Variants in RMDN2 observed in about 807,000 individuals in gnomAD.
RMDN2 encodes regulator of microtubule dynamics 2, also known as regulator of microtubule dynamics protein 2.
A neutral mutation model predicts 52.8 loss-of-function variants in RMDN2; 61 were observed. The observed-to-expected ratio is 1.16, with a 90% CI of 0.94 to 1.43. The LOEUF is 1.43. Ranked by LOEUF, RMDN2 falls within the 40% of genes most tolerant of loss-of-function variation. The pLI, the probability that RMDN2 is intolerant of heterozygous loss-of-function variation, is 0.00. For missense variants in RMDN2, 592 were observed against 475.3 expected, an observed-to-expected ratio of 1.25 and a Z score of -2.28; for synonymous variants, 180 against 153.1, an observed-to-expected ratio of 1.18 and a Z score of -1.30.
At chr2:37,970,934 T>C (rs562528721) in intron 2 of RMDN2, among the ~76,000 whole-genome samples, 1 of 152,012 alleles carries the variant, frequency 6.6e-6, no homozygotes, top group East Asian at 2.0e-4. Context: ...TTAAGAGTTT[T>C]ATATATATTT....
At chr2:37,965,902 T>G (rs1329996686) in intron 2 of RMDN2, among the ~76,000 whole-genome samples, 1 of 152,198 alleles carries the variant, frequency 6.6e-6, no homozygotes, top group African/African-American at 2.4e-5. Flanking sequence ...GGTAACAGGT[T>G]TCTCTTTTCT....
chr2:38,003,430 G>A (rs1222840908), intron 8 of RMDN2, among the ~76,000 whole-genome samples: 9 of 152,160 alleles, frequency 5.9e-5, no homozygotes, highest in African/African-American at 2.2e-4. Flanking sequence ...GCAGGTACCT[G>A]TAATCCCAGC....
At chr2:37,988,106 G>A (rs573930522) in intron 5 of RMDN2, among the ~76,000 whole-genome samples, 1 of 152,288 alleles carries the variant, frequency 6.6e-6, no homozygotes, top group African/African-American at 2.4e-5. Context: ...GCTAGGATAG[G>A]AGATATATGG....
At chr2:37,991,901 T>C (rs572209680) in intron 7 of RMDN2, among the ~76,000 whole-genome samples, 6 of 152,316 alleles carry the variant, frequency 3.9e-5, no homozygotes, top group Admixed American at 2.6e-4. Context: ...AATTACAGAA[T>C]GTGAAAATGT....
At chr2:37,996,901 C>A (rs924709222) in intron 7 of RMDN2, among the ~76,000 whole-genome samples, 13 of 152,146 alleles carry the variant, frequency 8.5e-5, no homozygotes, top group Non-Finnish European at 1.9e-4. Context: ...CCATTCCCTG[C>A]TCCTTCTGGC....
At chr2:38,042,358 C>A (rs1243989182) in intron 10 of RMDN2, among the ~76,000 whole-genome samples, 1 of 151,038 alleles carries the variant, frequency 6.6e-6, no homozygotes, top group Non-Finnish European at 1.5e-5. Flanking sequence ...TGAACCTGGC[C>A]AGAGATTTAT....
downstream of RMDN2, chr2:38,017,863 A>G (rs1173504586): frequency 1.6e-5 from 3 of 192,838 alleles, no homozygotes; most frequent in African/African-American, 7.2e-5. Flanking sequence ...AAAGGAAGGT[A>G]AGGGTGGGGC....
At chr2:38,015,609 T>C (rs1402767472) in intron 10 of RMDN2, among the ~76,000 whole-genome samples, 3 of 150,192 alleles carry the variant, frequency 2.0e-5, no homozygotes, top group Admixed American at 2.0e-4. Context: ...CCTTTAAGGA[T>C]AATGCTTTGG....
intron 8 of RMDN2, chr2:37,997,725 G>C: frequency 2.0e-6 from 1 of 492,636 alleles, no homozygotes. Flanking sequence ...CTAGGTTCTA[G>C]GAATTACAAA....
chr2:38,012,448 C>A (rs1414387265), intron 10 of RMDN2, among the ~76,000 whole-genome samples: 1 of 152,062 alleles, frequency 6.6e-6, no homozygotes, highest in African/African-American at 2.4e-5. Flanking sequence ...TAGAAAGAAC[C>A]AAGGCATTAA....
intron 2 of RMDN2, among the ~76,000 whole-genome samples, chr2:37,958,690 G>A (rs942299822): frequency 1.3e-5 from 2 of 150,930 alleles, no homozygotes; most frequent in East Asian, 1.9e-4. Context: ...TGGGAGTGGT[G>A]AGAGAGGGCA....
chr2:38,059,932 C>G (rs1008427329), intron 10 of RMDN2, among the ~76,000 whole-genome samples: 1 of 152,022 alleles, frequency 6.6e-6, no homozygotes, highest in Non-Finnish European at 1.5e-5. Context: ...GAGTCTCGCT[C>G]TGTCACCCAG....
At chr2:38,012,598 C>T in intron 10 of RMDN2, 1 of 468,284 alleles carries the variant, frequency 2.1e-6, no homozygotes, top group South Asian at 1.6e-5. Flanking sequence ...CATTTTTTTC[C>T]TCAGTGATGT....
chr2:37,999,700 C>T (rs976051220), intron 8 of RMDN2, among the ~76,000 whole-genome samples: 6 of 152,084 alleles, frequency 3.9e-5, no homozygotes, highest in Non-Finnish European at 8.8e-5. Context: ...GAGTCTGCAA[C>T]CCCCGGGTCC....
chr2:38,055,286 C>A (rs1343992081), intron 10 of RMDN2, among the ~76,000 whole-genome samples: 1 of 151,878 alleles, frequency 6.6e-6, no homozygotes, highest in Non-Finnish European at 1.5e-5. Context: ...CCTGTGCAAC[C>A]CACCCCAGGA....
chr2:37,952,287 T>C, intron 2 of RMDN2: 1 of 1,251,158 alleles, frequency 8.0e-7, no homozygotes, highest in South Asian at 1.3e-5. Context: ...AATTCATTTC[T>C]CATAACTCCC....
intron 10 of RMDN2, among the ~76,000 whole-genome samples, chr2:38,055,631 C>T (rs2125303970): frequency 6.6e-6 from 1 of 152,270 alleles, no homozygotes. Flanking sequence ...TAGCTCCCTT[C>T]ATGACTACAA....
rs146798804 is a variant in RMDN2, at chr2:37,943,267, G to C, written c.452+13538G>C. ...AGTACTGAAGAAGTGGACAAAGGTGGATAAGCCTGAAAAAGAAGACAGATG... is the reference window on the plus strand; with the variant it reads ...AGTACTGAAGAAGTGGACAAAGGTGCATAAGCCTGAAAAAGAAGACAGATG... On this transcript the variant is annotated intron_variant, in intron 2 of 10. Transcript: ENST00000354545. 4.4e-3 allele frequency among the ~76,000 whole-genome samples: 672 copies of C among 152,284 alleles called. 21 individuals carry two copies. Among genetic ancestry groups the C allele is most frequent in the Admixed American group, 0.033 (503 of 15,306 alleles).
chr2:38,011,060 C>T (rs1361036616), intron 10 of RMDN2, among the ~76,000 whole-genome samples: 2 of 152,190 alleles, frequency 1.3e-5, no homozygotes, highest in African/African-American at 2.4e-5. Flanking sequence ...CAGCATAATT[C>T]CGGGGAGCTG....
Sources: gnomAD v4.1 joint callset for allele counts (sites outside exome capture counted in the v4.1 genomes callset) on GRCh38, gnomAD v4.1.1 for gene constraint, MANE v1.5 for transcripts, NCBI Gene and HGNC (gene_info 2026-07-23, HGNC 2026-07-21) for gene names.